The following KDM5A variants were observed in gnomAD, a reference collection of about 807,000 sequenced individuals.
The protein encoded by KDM5A is lysine demethylase 5A, also known as lysine-specific demethylase 5A.
Under a neutral mutation model 193.5 loss-of-function variants are expected in KDM5A, and 42 were observed. The observed-to-expected ratio is 0.22, with a 90% CI of 0.17 to 0.28. KDM5A has a LOEUF of 0.28. Among genes scored for constraint, KDM5A ranks in the 10% least tolerant of loss-of-function variants. KDM5A has a pLI of 1.00. For synonymous variants in KDM5A, 796 were observed against 718.1 expected (o/e 1.11, Z -1.73); for missense variants, 1,692 against 2,055.1 (o/e 0.82, Z 3.42).
chr12:329,758 T>A (rs1203909141), intron 13 of KDM5A, among the ~76,000 whole-genome samples: 2 of 152,176 alleles, frequency 1.3e-5, no homozygotes, highest in Non-Finnish European at 2.9e-5. Context: ...AAAATTTCCA[T>A]AATTATCAAG....
At chr12:293,330 T>C (rs1302048381) in intron 26 of KDM5A, among the ~76,000 whole-genome samples, 161 bp from the exon 27 acceptor site, 1 of 152,184 alleles carries the variant, frequency 6.6e-6, no homozygotes, top group East Asian at 1.9e-4. Flanking sequence ...ATTTGTTTAG[T>C]GGGTATAGTT....
chr12:384,917 C>T (rs925661416), intron 2 of KDM5A, among the ~76,000 whole-genome samples: 8 of 152,150 alleles, frequency 5.3e-5, no homozygotes, highest in Admixed American at 4.6e-4. Context: ...CGGCCAGGCG[C>T]GGTAGCTCAC....
intron 9 of KDM5A, among the ~76,000 whole-genome samples, chr12:351,591 A>G (rs529294974): frequency 2.0e-5 from 3 of 152,344 alleles, no homozygotes; most frequent in African/African-American, 7.2e-5. Context: ...CAGTAAAAAT[A>G]ACTAAAGAAA....
At chr12:287,287 T>TA (rs1370939597) in intron 27 of KDM5A, among the ~76,000 whole-genome samples, 1 of 152,144 alleles carries the variant, frequency 6.6e-6, no homozygotes, top group African/African-American at 2.4e-5. Context: ...GCCAGAAGCT[T>TA]ACATTTTTAA....
In KDM5A at chr12:281,924, C is replaced by A. The variant is rs554286369; in HGVS notation, c.*3532G>T. Reference sequence around the variant, plus strand: ...CAAAAAGACATTTTGTGGGCACCTGCTAGCACAGAAGCGCAGAAGCAAAGC... The same window carrying A: ...CAAAAAGACATTTTGTGGGCACCTGATAGCACAGAAGCGCAGAAGCAAAGC... On this transcript the variant is annotated 3_prime_UTR_variant, in exon 28 of 28. Coordinates refer to ENST00000399788, the MANE Select transcript of KDM5A (RefSeq NM_001042603.3). The A allele has an allele frequency of 3.5e-6, 1 of 289,152 alleles. No homozygotes were observed. The highest frequency in any genetic ancestry group is 2.2e-5 in the African/African-American group (1 of 46,198). The allele number at this position is 289,152 out of a possible 1,614,324, so 17.9% of individuals were successfully genotyped here. A position where few individuals can be genotyped will look rare whatever the true frequency, so the allele number is the denominator to read the frequency against.
intron 24 of KDM5A, among the ~76,000 whole-genome samples, chr12:298,113 C>T (rs754475274): frequency 7.2e-5 from 11 of 152,154 alleles, no homozygotes; most frequent in Admixed American, 3.3e-4. Context: ...CGGCTGTGGG[C>T]GCAGCTTCAG....
At chr12:295,477 G>T in intron 26 of KDM5A, 96 bp downstream of exon 26, 3 of 1,143,818 alleles carry the variant, frequency 2.6e-6, no homozygotes, top group Non-Finnish European at 3.9e-6. Context: ...CCAGATTACT[G>T]CCCTCAGCCA....
At chr12:382,743 C>T (rs527725712) in intron 3 of KDM5A, among the ~76,000 whole-genome samples, 2 of 152,174 alleles carry the variant, frequency 1.3e-5, no homozygotes, top group Admixed American at 1.3e-4. Flanking sequence ...ACCAGCCTGA[C>T]TAAGATAGTG....
chr12:377,188 C>T (rs1318104918), intron 3 of KDM5A, among the ~76,000 whole-genome samples: 3 of 152,168 alleles, frequency 2.0e-5, no homozygotes, highest in African/African-American at 7.2e-5. Context: ...TGGAGATTTA[C>T]TCTCAGCAGA....
At chr12:330,083 G>GTATATA (rs773883406) in intron 13 of KDM5A, among the ~76,000 whole-genome samples, 12 of 127,244 alleles carry the variant, frequency 9.4e-5, no homozygotes, top group African/African-American at 3.7e-4. Flanking sequence ...GTGTGTGTGT[G>GTATATA]TGTATATATA....
intron 5 of KDM5A, among the ~76,000 whole-genome samples, chr12:356,967 G>C (rs1352021839): frequency 1.3e-5 from 2 of 152,164 alleles, no homozygotes; most frequent in East Asian, 1.9e-4. Context: ...AAGCCCCTGG[G>C]AAAGACTGCC....
intron 3 of KDM5A, among the ~76,000 whole-genome samples, chr12:377,646 T>C (rs1479611166): frequency 1.3e-5 from 2 of 152,174 alleles, no homozygotes; most frequent in South Asian, 4.1e-4. Flanking sequence ...AGCAGAACAT[T>C]TGTACACAAG....
intron 3 of KDM5A, among the ~76,000 whole-genome samples, chr12:367,745 C>T (rs1944375568): frequency 6.6e-6 from 1 of 151,826 alleles, no homozygotes; most frequent in Non-Finnish European, 1.5e-5. Flanking sequence ...CCTGTAGTTC[C>T]CAGCTACCTG....
rs368204130 is a variant in KDM5A at position 282,638 on chromosome 12, G to A, written c.*2818C>T. ...GACTTAGCTTTTAAGAATACCACAG[G>A]CCTACCATATTTCCATTTTTCTTTC... On this transcript the variant is annotated 3_prime_UTR_variant, in exon 28 of 28. Transcript: ENST00000399788. 16 of 233,048 alleles carry A rather than the reference G, an allele frequency of 6.9e-5. No homozygotes were observed. In the East Asian group the frequency reaches 9.1e-4, roughly 13 times the overall value. 14.4% of individuals were successfully genotyped at this position (233,048 alleles called of 1,614,324 possible).
At chr12:328,757 T>C (rs1490837246) in intron 14 of KDM5A, 78 bp downstream of exon 14, 76 of 1,325,962 alleles carry the variant, frequency 5.7e-5, no homozygotes, top group Non-Finnish European at 1.3e-5. Flanking sequence ...GGATAAGGGA[T>C]GAAAATTCTA....
chr12:320,479 G>C (rs1212257865), intron 18 of KDM5A, among the ~76,000 whole-genome samples: 1 of 152,128 alleles, frequency 6.6e-6, no homozygotes, highest in African/African-American at 2.4e-5. Flanking sequence ...CTGGGCGACA[G>C]AGCGAGACTC....
intron 10 of KDM5A, among the ~76,000 whole-genome samples, chr12:343,148 C>T (rs1005031640): frequency 2.6e-5 from 4 of 152,258 alleles, no homozygotes; most frequent in Non-Finnish European, 5.9e-5. Flanking sequence ...GCAGGTCCCA[C>T]ACCCACAGAG....
At chr12:353,995 G>A in intron 8 of KDM5A, 81 bp downstream of exon 8, 1 of 1,019,940 alleles carries the variant, frequency 9.8e-7, no homozygotes, top group Non-Finnish European at 1.5e-6. Context: ...AAACATATTT[G>A]GGAATATGTT....
At position 354,214 on chromosome 12, in the gene KDM5A, C is replaced by T. The variant is rs771229916; in HGVS notation, c.891G>A (p.Met297Ile). 1 of 1,607,592 alleles carries T rather than the reference C, an allele frequency of 6.2e-7. No individual in the cohort carries two copies. Among genetic ancestry groups the T allele is most frequent in the Non-Finnish European group, 8.5e-7 (1 of 1,174,614 alleles). The change falls in exon 8 of 28, where the codon ATG (methionine) becomes ATA (isoleucine). Residue 297 changes from methionine (M) to isoleucine (I), a missense_variant. Coordinates refer to ENST00000399788, the MANE Select transcript of KDM5A (RefSeq NM_001042603.3). ...CTTCATTGTTTCCCCGACCACAAAA[C>T]ATACAAACATAGAGATCAACCTGTT... ...SVNFVDLYVC[M>I]FCGRGNNEDK...
Sources: gnomAD v4.1 joint callset for allele counts (sites outside exome capture counted in the v4.1 genomes callset) on GRCh38, gnomAD v4.1.1 for gene constraint, MANE v1.5 for transcripts, NCBI Gene and HGNC (gene_info 2026-07-23, HGNC 2026-07-21) for gene names.